Variants in LAMA2 observed in about 807,000 individuals in gnomAD.
LAMA2 encodes laminin subunit alpha 2.
In LAMA2, 269 loss-of-function variants were observed where a neutral mutation model predicts 364.8. The observed-to-expected ratio is 0.74, with a 90% CI of 0.67 to 0.82. The LOEUF (loss-of-function observed/expected upper bound fraction) is 0.82. LAMA2 is among the 40% of genes least tolerant of loss of function. LAMA2 has a pLI of 0.00. For synonymous variants in LAMA2, 1,379 were observed against 1,370.6 expected (o/e 1.01, Z -0.14); for missense variants, 3,807 against 3,873.2 (o/e 0.98, Z 0.45).
Position 129,147,006 on chromosome 6 carries a change from C to T in LAMA2, c.867C>T (p.Cys289=). 1 of 1,612,102 alleles carries T rather than the reference C, an allele frequency of 6.2e-7. No homozygotes were observed. Among genetic ancestry groups the T allele is most frequent in the Non-Finnish European group, 8.5e-7 (1 of 1,178,344 alleles). The change falls in exon 6 of 65, where the codon TGC becomes TGT. Residue 289 remains cysteine, a synonymous_variant. Coordinates refer to ENST00000421865, the MANE Select transcript of LAMA2 (RefSeq NM_000426.4). The part of the protein sequence containing the change: ...KDISVGGMCI[C]YGHARACPLD... The stretch of plus-strand genomic sequence containing the variant: ...TTTCAGTTGGAGGGATGTGCATCTG[C>T]TATGGTCATGCCAGGGCTTGTCCAC...
chr6:129,070,797 A>G (rs1582986463), intron 3 of LAMA2, among the ~76,000 whole-genome samples: 1 of 152,100 alleles, frequency 6.6e-6, no homozygotes, highest in Admixed American at 6.6e-5. Flanking sequence ...CTAGTTTGGC[A>G]GTGTTGGTCT....
intron 1 of LAMA2, among the ~76,000 whole-genome samples, chr6:128,900,392 C>A (rs1406280348): frequency 6.6e-6 from 1 of 152,128 alleles, no homozygotes; most frequent in Non-Finnish European, 1.5e-5. Context: ...TACTGCATAG[C>A]ACAGTGCCTG....
At chr6:128,994,322 G>T (rs752188329) in intron 1 of LAMA2, among the ~76,000 whole-genome samples, 1 of 152,172 alleles carries the variant, frequency 6.6e-6, no homozygotes, top group Non-Finnish European at 1.5e-5. Flanking sequence ...ATCACACTAG[G>T]ATCATGGCAC....
chr6:128,911,500 G>A (rs1331195795), intron 1 of LAMA2, among the ~76,000 whole-genome samples: 2 of 152,032 alleles, frequency 1.3e-5, no homozygotes, highest in Non-Finnish European at 2.9e-5. Flanking sequence ...TTCGGCTCAC[G>A]CACGGTGCGC....
Position 129,453,121 on chromosome 6 carries a change from G to A in LAMA2, c.6563G>A (p.Ser2188Asn), listed in dbSNP as rs372592018. Residue 2188 changes from serine (S) to asparagine (N), a missense_variant, in exon 46 of 65, where the codon AGT becomes AAT. This residue lies in a region of LAMA2 where 3,333 missense variants were observed against 3,345.7 expected (regional missense o/e 1.00). Coordinates refer to ENST00000421865, the MANE Select transcript of LAMA2 (RefSeq NM_000426.4). Reference sequence around the variant, plus strand: ...GATAACCTCCTCTTTTATCTTGGAAGTGCCAAATTTGTAAGTCTAATATTC... The same window carrying A: ...GATAACCTCCTCTTTTATCTTGGAAATGCCAAATTTGTAAGTCTAATATTC... ...VADNLLFYLG[S>N]AKFIDFLAIE... is the part of the protein sequence containing the mutation. The A allele has an allele frequency of 1.6e-4, 258 of 1,612,686 alleles. No homozygotes were observed. The highest frequency in any genetic ancestry group is 2.1e-4 in the Non-Finnish European group (242 of 1,179,294).
intron 12 of LAMA2, among the ~76,000 whole-genome samples, chr6:129,212,428 TA>T (rs1381968382): frequency 6.6e-6 from 1 of 152,162 alleles, no homozygotes; most frequent in East Asian, 1.9e-4. Context: ...CTTTTCCTCT[TA>T]AACCGGATGT....
chr6:129,490,388 AC>A (rs1056009262), intron 56 of LAMA2, among the ~76,000 whole-genome samples: 1 of 151,948 alleles, frequency 6.6e-6, no homozygotes, highest in Non-Finnish European at 1.5e-5. Flanking sequence ...CTCCATCACC[AC>A]CCTGTGAATT....
chr6:129,053,400 G>T (rs1020326023), intron 2 of LAMA2, among the ~76,000 whole-genome samples: 17 of 152,162 alleles, frequency 1.1e-4, no homozygotes, highest in Non-Finnish European at 2.5e-4. Context: ...AGTTGTTATG[G>T]TATGTGTGTA....
At chr6:129,205,813 C>A (rs1246376600) in intron 12 of LAMA2, among the ~76,000 whole-genome samples, 1 of 151,824 alleles carries the variant, frequency 6.6e-6, no homozygotes, top group Non-Finnish European at 1.5e-5. Context: ...TCACTGGAGA[C>A]CAGGAGTTCA....
intron 51 of LAMA2, among the ~76,000 whole-genome samples, chr6:129,471,126 A>G (rs1200155445): frequency 6.6e-6 from 1 of 151,864 alleles, no homozygotes; most frequent in African/African-American, 2.4e-5. Context: ...TTATTTCCCT[A>G]CCTACTTATA....
At chr6:128,993,461 A>C (rs1783732210) in intron 1 of LAMA2, among the ~76,000 whole-genome samples, 1 of 152,198 alleles carries the variant, frequency 6.6e-6, no homozygotes, top group Non-Finnish European at 1.5e-5. Flanking sequence ...AGAGTGTATT[A>C]CACATGTCAT....
At chr6:129,491,710 G>C (rs1377016520) in intron 56 of LAMA2, among the ~76,000 whole-genome samples, 191 bp from the exon 57 acceptor site, 1 of 152,222 alleles carries the variant, frequency 6.6e-6, no homozygotes, top group African/African-American at 2.4e-5. Context: ...CTTTCAGGAA[G>C]AGTGAACGAG....
At chr6:129,061,237 A>T (rs957611461) in intron 3 of LAMA2, among the ~76,000 whole-genome samples, 2 of 152,190 alleles carry the variant, frequency 1.3e-5, no homozygotes, top group Non-Finnish European at 2.9e-5. Flanking sequence ...TAGTCTCCCA[A>T]TCAAGAGTGA....
chr6:129,048,482 TTC>T (rs1787714882), intron 1 of LAMA2, among the ~76,000 whole-genome samples: 1 of 72,980 alleles, frequency 1.4e-5, no homozygotes, highest in Admixed American at 1.7e-4. Flanking sequence ...CTTTCTTTCT[TTC>T]TTTCTTTCTT....
intron 51 of LAMA2, among the ~76,000 whole-genome samples, chr6:129,472,398 T>G (rs1783856009): frequency 6.6e-6 from 1 of 151,878 alleles, no homozygotes; most frequent in Non-Finnish European, 1.5e-5. Flanking sequence ...TAAGGACATG[T>G]GGTAGAAAAG....
rs759994977 is a variant in LAMA2, at chr6:129,516,399, AAAAC to A, written c.*60_*63del. The A allele has an allele frequency of 3.4e-5, 53 of 1,536,554 alleles. No individual in the cohort carries two copies. Among genetic ancestry groups the A allele is most frequent in the African/African-American group, 7.0e-5 (5 of 71,842 alleles). ...GTCTGTCAAAACAAGTATATCAAGT[AAAAC>A]AAACAAATATATTTTACCTATATAT... On this transcript the variant is annotated 3_prime_UTR_variant, in exon 65 of 65. Coordinates refer to ENST00000421865, the MANE Select transcript of LAMA2 (RefSeq NM_000426.4).
intron 40 of LAMA2, among the ~76,000 whole-genome samples, chr6:129,412,873 G>A (rs530148782): frequency 8.7e-4 from 132 of 152,340 alleles, no homozygotes; most frequent in African/African-American, 3.0e-3. Flanking sequence ...AGAAGTAGCC[G>A]TGTGCCCCAA....
At chr6:128,935,668 T>C (rs562083611) in intron 1 of LAMA2, among the ~76,000 whole-genome samples, 17 of 152,212 alleles carry the variant, frequency 1.1e-4, no homozygotes, top group Non-Finnish European at 2.1e-4. Flanking sequence ...AATTTCTTTA[T>C]TAGCTTCTAA....
chr6:129,262,997 A>G (rs1787239282), intron 15 of LAMA2, among the ~76,000 whole-genome samples: 1 of 152,130 alleles, frequency 6.6e-6, no homozygotes, highest in Non-Finnish European at 1.5e-5. Flanking sequence ...AAATCTTTCA[A>G]AAATTTTCTT....
Sources: gnomAD v4.1 joint callset for allele counts (sites outside exome capture counted in the v4.1 genomes callset) on GRCh38, gnomAD v4.1.1 for gene constraint, gnomAD v4.1.1 regional missense constraint, MANE v1.5 for transcripts, NCBI Gene and HGNC (gene_info 2026-07-23, HGNC 2026-07-21) for gene names.